The following LRRC74A variants were observed in gnomAD, a reference collection of about 807,000 sequenced individuals.
The protein encoded by LRRC74A is leucine-rich repeat-containing protein 74A.
LRRC74A carries 44 observed loss-of-function variants against 57.9 expected under a neutral mutation model. The ratio of observed to expected loss-of-function variants is 0.76; its 90% CI spans 0.60 to 0.98. The LOEUF (loss-of-function observed/expected upper bound fraction) is 0.98. Among genes scored for constraint, LRRC74A ranks in the 50% least tolerant of loss-of-function variants. The probability of loss-of-function intolerance (pLI) is 0.00; values close to 1 mark genes in which losing one functional copy is unlikely to be tolerated. For synonymous variants in LRRC74A, 211 were observed against 219.4 expected (o/e 0.96, Z 0.34); for missense variants, 572 against 574.0 (o/e 1.00, Z 0.04).
At chr14:76,830,144 G>A (rs1895871904) in intron 2 of LRRC74A, among the ~76,000 whole-genome samples, 1 of 152,216 alleles carries the variant, frequency 6.6e-6, no homozygotes, top group Non-Finnish European at 1.5e-5. Flanking sequence ...GTCCCAAAGA[G>A]AAGTCTAATT....
At chr14:76,849,767 C>T (rs1897317651) in intron 7 of LRRC74A, among the ~76,000 whole-genome samples, 1 of 147,302 alleles carries the variant, frequency 6.8e-6, no homozygotes, top group African/African-American at 2.5e-5. Context: ...CGTGCCACTG[C>T]ACTCCAGCCT....
In LRRC74A at chr14:76,865,991, C is replaced by A. The variant is rs1168658774; in HGVS notation, c.1224C>A (p.Ile408=). The A allele has an allele frequency of 1.3e-6, 2 of 1,599,156 alleles. No individual in the cohort carries two copies. Among genetic ancestry groups the A allele is most frequent in the East Asian group, 2.2e-5 (1 of 44,764 alleles). Residue 408 remains isoleucine, a synonymous_variant, in exon 12 of 14, where the codon ATC becomes ATA. Coordinates refer to ENST00000689127, the MANE Select transcript of LRRC74A (RefSeq NM_001385106.1). ...LIQSYADQHK[I]TIVDFFKSLN... is the part of the protein sequence containing the mutation. ...AGAGCTATGCAGACCAACACAAAATCACGATCGTGGACTTCTTCAAGAGCT... is the reference window on the plus strand; with the variant it reads ...AGAGCTATGCAGACCAACACAAAATAACGATCGTGGACTTCTTCAAGAGCT...
At chr14:76,829,276 G>T in intron 2 of LRRC74A, 1 of 998,948 alleles carries the variant, frequency 1.0e-6, no homozygotes, top group South Asian at 1.4e-5. Context: ...AGGAAGGCCA[G>T]TTCTGCCAAA....
At chr14:76,861,491 T>C (rs1291835213) in intron 11 of LRRC74A, among the ~76,000 whole-genome samples, 1 of 152,096 alleles carries the variant, frequency 6.6e-6, no homozygotes, top group African/African-American at 2.4e-5. Flanking sequence ...CAACAGCTGG[T>C]AAGGATGTCA....
intron 9 of LRRC74A, among the ~76,000 whole-genome samples, chr14:76,853,660 C>T (rs1050083175): frequency 2.0e-5 from 3 of 152,074 alleles, no homozygotes; most frequent in Admixed American, 6.6e-5. Flanking sequence ...TCCTTCCTCC[C>T]ATCTGGGTCT....
At chr14:76,839,578 G>A (rs1056989082) in intron 5 of LRRC74A, among the ~76,000 whole-genome samples, 6 of 152,060 alleles carry the variant, frequency 3.9e-5, no homozygotes, top group Non-Finnish European at 7.4e-5. Context: ...TGTGTTTCTC[G>A]CTATTATTGT....
At chr14:76,841,602 T>C (rs1896776410) in intron 5 of LRRC74A, among the ~76,000 whole-genome samples, 1 of 152,210 alleles carries the variant, frequency 6.6e-6, no homozygotes, top group African/African-American at 2.4e-5. Flanking sequence ...TTCCATTTAA[T>C]ATTCTAGATT....
chr14:76,837,958 C>A lies in LRRC74A; in HGVS notation c.531C>A (p.Ser177Arg), dbSNP rs201346482. 24 of 1,571,920 alleles carry A rather than the reference C, an allele frequency of 1.5e-5. No homozygotes were observed. The Admixed American group carries it at 2.0e-4, about 13-fold the overall frequency. The part of the protein sequence containing the change: ...FFERNSSSIW[S>R]LELSGNDFKE... ...AGAGAAACAGTTCTTCTATCTGGAG[C>A]CTTGAGCTTTCAGGTGAGCACATGG... The change falls in exon 5 of 14, where the codon AGC (serine) becomes AGA (arginine). Residue 177 changes from serine (S) to arginine (R), a missense_variant. Transcript: ENST00000689127.
chr14:76,836,299 C>G lies in LRRC74A; in HGVS notation c.432C>G (p.Tyr144Ter), dbSNP rs1381845501. The change falls in exon 4 of 14, where the codon TAC becomes TAG. Residue 144 changes from tyrosine to a stop codon, truncating the protein, a stop_gained. Coordinates refer to ENST00000689127, the MANE Select transcript of LRRC74A (RefSeq NM_001385106.1). LOFTEE classifies it high-confidence loss of function. ...TGGTGGAGATGCTACAAGAGAACTA[C>G]TACCTCCAGGAGATGGTACTGTGCC... is the stretch of plus-strand genomic sequence containing the variant. ...LSLVEMLQENYYLQEMNISNN... is the reference protein window; with the variant it reads ...LSLVEMLQEN The G allele has an allele frequency of 1.2e-6, 2 of 1,610,752 alleles. No homozygotes were observed. Among genetic ancestry groups the G allele is most frequent in the Non-Finnish European group, 8.5e-7 (1 of 1,177,350 alleles).
chr14:76,844,513 C>T, intron 6 of LRRC74A, 41 bp downstream of exon 6: 1 of 1,601,770 alleles, frequency 6.2e-7, no homozygotes, highest in Non-Finnish European at 8.5e-7. Context: ...TGGGCGATGT[C>T]CCTGGGAGAT....
chr14:76,855,356 G>T (rs1413637782), intron 9 of LRRC74A, among the ~76,000 whole-genome samples: 1 of 152,212 alleles, frequency 6.6e-6, no homozygotes, highest in African/African-American at 2.4e-5. Flanking sequence ...AATTTTAAAA[G>T]ATTAAGCAGT....
Position 76,860,847 on chromosome 14 carries a change from C to A in LRRC74A, c.1200+8C>A. The A allele has an allele frequency of 6.3e-7, 1 of 1,589,730 alleles. No individual in the cohort carries two copies. The highest frequency in any genetic ancestry group is 1.1e-5 in the South Asian group (1 of 88,130). The stretch of plus-strand genomic sequence containing the variant: ...CCCATGAAACTGATCCAGGTGAGCT[C>A]CTGCCTTCCTCTCAGGGCCTCCAGG... On this transcript the variant is annotated splice_region_variant and intron_variant, in intron 11 of 13. Transcript: ENST00000689127.
intron 3 of LRRC74A, among the ~76,000 whole-genome samples, chr14:76,831,792 T>A (rs1022070616): frequency 2.0e-5 from 3 of 152,166 alleles, no homozygotes; most frequent in African/African-American, 7.2e-5. Context: ...CCATTCAATG[T>A]CTGCCTTGTG....
At chr14:76,828,009 G>A (rs1386238837) in intron 1 of LRRC74A, among the ~76,000 whole-genome samples, 1 of 152,168 alleles carries the variant, frequency 6.6e-6, no homozygotes, top group East Asian at 1.9e-4. Context: ...GCAAGGAGCC[G>A]ATCTCCAAGG....
At chr14:76,852,486 G>C (rs1012123402) in intron 8 of LRRC74A, 36 bp downstream of exon 8, 3 of 1,493,078 alleles carry the variant, frequency 2.0e-6, no homozygotes, top group Admixed American at 1.9e-5. Flanking sequence ...GTGGAGCCCA[G>C]TTGAGGACAG....
chr14:76,836,155 T>G, intron 3 of LRRC74A, 52 bp from the exon 4 acceptor site: 1 of 1,364,170 alleles, frequency 7.3e-7, no homozygotes, highest in Admixed American at 1.8e-5. Context: ...GGGAACTGAC[T>G]GGGTCACCAA....
intron 11 of LRRC74A, among the ~76,000 whole-genome samples, chr14:76,862,909 C>T (rs1898429106): frequency 1.3e-5 from 2 of 152,118 alleles, no homozygotes; most frequent in Non-Finnish European, 2.9e-5. Context: ...TTGATTCCAT[C>T]GGGAACAGGG....
In LRRC74A at chr14:76,828,565, AT is replaced by A. The variant is rs1428004558; in HGVS notation, c.166+150del. ...GAAATGTGGCAGAAAGGCCTGCTCG[AT>A]TTTGCCTGGAGTCCTCCTCCGGGCT... On this transcript the variant is annotated intron_variant, in intron 2 of 13. Coordinates refer to ENST00000689127, the MANE Select transcript of LRRC74A (RefSeq NM_001385106.1). The A allele has an allele frequency of 9.4e-6, 12 of 1,280,728 alleles. No individual in the cohort carries two copies. The East Asian group carries it at 2.4e-4, about 26-fold the overall frequency. The allele number at this position is 1,280,728 out of a possible 1,614,324, so 79.3% of individuals were successfully genotyped here.
At chr14:76,853,541 A>G (rs1897672843) in intron 9 of LRRC74A, 131 bp downstream of exon 9, 2 of 877,394 alleles carry the variant, frequency 2.3e-6, no homozygotes, top group South Asian at 1.7e-5. Flanking sequence ...TCATATATGC[A>G]TGTACTTTTT....
Sources: allele counts gnomAD v4.1 joint callset (sites outside exome capture counted in the v4.1 genomes callset), GRCh38; gene constraint gnomAD v4.1.1; transcripts MANE v1.5; gene names NCBI Gene and HGNC (gene_info 2026-07-23, HGNC 2026-07-21).